COL5A2: variants seen among roughly 807,000 people sequenced by gnomAD.
COL5A2 encodes the protein collagen type V alpha 2 chain, also known as collagen alpha-2(V) chain.
Under a neutral mutation model 208.2 loss-of-function variants are expected in COL5A2, and 23 were observed. The ratio of observed to expected loss-of-function variants is 0.11; its 90% CI spans 0.08 to 0.16. The LOEUF (loss-of-function observed/expected upper bound fraction) is 0.16, where lower values mean the gene tolerates loss of function less well. Among genes scored for constraint, COL5A2 ranks in the 10% least tolerant of loss-of-function variants. The probability of loss-of-function intolerance (pLI) is 1.00; values close to 1 mark genes in which losing one functional copy is unlikely to be tolerated. For synonymous variants in COL5A2, 625 were observed against 628.5 expected (o/e 0.99, Z 0.08); for missense variants, 1,590 against 1,956.4 (o/e 0.81, Z 3.53).
chr2:189,281,250 A>C, the COL5A2 span, among the ~76,000 whole-genome samples: 2 of 152,166 alleles, frequency 1.3e-5, no homozygotes, highest in African/African-American at 4.8e-5. Flanking sequence ...TAAATGGTGG[A>C]ATTAGGCAAG....
the COL5A2 span, among the ~76,000 whole-genome samples, chr2:189,230,588 C>T: frequency 4.0e-5 from 6 of 151,804 alleles, no homozygotes; most frequent in Admixed American, 6.6e-5. Flanking sequence ...TGAAAAAATA[C>T]TCCTCACTAA....
chr2:189,407,545 A>G, the COL5A2 span, among the ~76,000 whole-genome samples: 1 of 152,294 alleles, frequency 6.6e-6, no homozygotes, highest in African/African-American at 2.4e-5. Context: ...TTAATGTTTT[A>G]ATGGCAAAAG....
chr2:189,178,709 T>TAAAA (rs11296800), intron 1 of COL5A2, among the ~76,000 whole-genome samples: 1 of 118,120 alleles, frequency 8.5e-6, no homozygotes, highest in African/African-American at 3.2e-5. Flanking sequence ...GATTTATCTT[T>TAAAA]AAAAAAAAAA....
intron 1 of COL5A2, among the ~76,000 whole-genome samples, chr2:189,163,285 A>G (rs1688405308): frequency 6.6e-6 from 1 of 152,228 alleles, no homozygotes; most frequent in Non-Finnish European, 1.5e-5. Context: ...TGAATCCGCC[A>G]GCATCAGGGC....
At chr2:189,322,739 A>G in the COL5A2 span, among the ~76,000 whole-genome samples, 1 of 152,224 alleles carries the variant, frequency 6.6e-6, no homozygotes, top group African/African-American at 2.4e-5. Context: ...GCCGAATTCT[A>G]CCAGAGGTAC....
At chr2:189,140,347 T>C (rs1285248738) in intron 1 of COL5A2, among the ~76,000 whole-genome samples, 1 of 152,208 alleles carries the variant, frequency 6.6e-6, no homozygotes. Context: ...CCTCTGATTC[T>C]ACATTGCCTT....
At chr2:189,249,066 G>A in the COL5A2 span, among the ~76,000 whole-genome samples, 1 of 151,990 alleles carries the variant, frequency 6.6e-6, no homozygotes, top group Non-Finnish European at 1.5e-5. Context: ...CTCTTTGGCA[G>A]ACCAAAAAAG....
chr2:189,232,635 AG>A, the COL5A2 span, among the ~76,000 whole-genome samples: 8 of 151,832 alleles, frequency 5.3e-5, no homozygotes, highest in African/African-American at 1.9e-4. Flanking sequence ...GCAAATTCAC[AG>A]TGCAATCTAA....
In COL5A2 at chr2:189,116,238, G is replaced by A. The variant is rs570534125; in HGVS notation, c.98-5789C>T. The stretch of plus-strand genomic sequence containing the variant: ...GGACAAAGGAGGAGGTAATAAAGCC[G>A]CCCACGTGTCAGTCTGGATGCCACA... On this transcript the variant is annotated intron_variant, in intron 1 of 53. Transcript: ENST00000374866. 3.9e-4 allele frequency among the ~76,000 whole-genome samples: 60 copies of A among 152,250 alleles called. No individual in the cohort carries two copies. In the South Asian group the frequency reaches 7.5e-3, roughly 19 times the overall value.
chr2:189,277,491 G>A, the COL5A2 span, among the ~76,000 whole-genome samples: 1 of 152,030 alleles, frequency 6.6e-6, no homozygotes, highest in African/African-American at 2.4e-5. Context: ...CCCCTTAAGA[G>A]CCAAACATCA....
intron 1 of COL5A2, among the ~76,000 whole-genome samples, chr2:189,217,445 T>G (rs1017705821): frequency 6.6e-6 from 1 of 152,184 alleles, no homozygotes; most frequent in African/African-American, 2.4e-5. Context: ...CACAAGCATT[T>G]TGGGGATCCA....
chr2:189,169,425 T>C (rs187776881), intron 1 of COL5A2, among the ~76,000 whole-genome samples: 17 of 152,332 alleles, frequency 1.1e-4, no homozygotes, highest in Admixed American at 7.2e-4. Flanking sequence ...TTTCTTTCTT[T>C]CTTTTTTTGT....
the COL5A2 span, among the ~76,000 whole-genome samples, chr2:189,324,807 C>T: frequency 6.6e-6 from 1 of 152,124 alleles, no homozygotes; most frequent in South Asian, 2.1e-4. Context: ...CCCAGCCATC[C>T]CATTACTGGG....
intron 6 of COL5A2, among the ~76,000 whole-genome samples, chr2:189,094,141 T>C (rs1208441753): frequency 2.0e-5 from 3 of 152,194 alleles, no homozygotes; most frequent in Admixed American, 6.5e-5. Context: ...AGTCTGATCC[T>C]AAGATTGTTT....
rs756497624 is a variant in COL5A2, at chr2:189,064,627, C to A, written c.1646G>T (p.Gly549Val). 2.5e-6 allele frequency: 4 copies of A among 1,613,680 alleles called. No individual in the cohort carries two copies. The South Asian group carries it at 4.4e-5, about 18-fold the overall frequency. ...KGAQGERGPV[G>V]SSGPKGSQGD... Reference sequence around the variant, plus strand: ...CTGGCTTCCTTTGGGTCCTGAAGAACCTACAGGACCCCGTTCTCCTTGAGC... The same window carrying A: ...CTGGCTTCCTTTGGGTCCTGAAGAAACTACAGGACCCCGTTCTCCTTGAGC... Residue 549 changes from glycine to valine, a missense_variant, in exon 25 of 54, where the codon GGT becomes GTT. Coordinates refer to ENST00000374866, the MANE Select transcript of COL5A2 (RefSeq NM_000393.5).
chr2:189,052,032 C>A, intron 41 of COL5A2, 140 bp downstream of exon 41: 1 of 648,986 alleles, frequency 1.5e-6, no homozygotes, highest in East Asian at 3.0e-5. Context: ...GAAATACCAG[C>A]ATGCATTATT....
At chr2:189,183,319 C>G (rs1319178967), upstream of COL5A2, among the ~76,000 whole-genome samples, 1 of 152,148 alleles carries the variant, frequency 6.6e-6, no homozygotes, top group African/African-American at 2.4e-5. Context: ...GTCAAACTTC[C>G]TTTTCTAATT....
the COL5A2 span, among the ~76,000 whole-genome samples, chr2:189,349,054 C>T: frequency 6.6e-6 from 1 of 152,076 alleles, no homozygotes; most frequent in Admixed American, 6.6e-5. Flanking sequence ...ACATAATCTC[C>T]CAACATTCTC....
chr2:189,185,515 T>C (rs1688840700), intron 1 of COL5A2, among the ~76,000 whole-genome samples: 1 of 152,272 alleles, frequency 6.6e-6, no homozygotes, highest in South Asian at 2.1e-4. Flanking sequence ...ACATTTCTGC[T>C]GGATTACAAA....
Sources: gnomAD v4.1 joint callset for allele counts (sites outside exome capture counted in the v4.1 genomes callset) on GRCh38, gnomAD v4.1.1 for gene constraint, MANE v1.5 for transcripts, NCBI Gene and HGNC (gene_info 2026-07-23, HGNC 2026-07-21) for gene names.